Variants in GRM7 observed in about 807,000 individuals in gnomAD.
GRM7 encodes glutamate metabotropic receptor 7.
In GRM7, 35 loss-of-function variants were observed where a neutral mutation model predicts 84.5. That is an observed-to-expected ratio of 0.41 (90% confidence interval 0.32 to 0.55). The LOEUF is 0.55. GRM7 is among the 20% of genes least tolerant of loss of function. The probability of loss-of-function intolerance (pLI) is 0.19; values close to 1 mark genes in which losing one functional copy is unlikely to be tolerated. For missense variants in GRM7, 1,003 were observed against 1,194.6 expected (o/e 0.84, Z 2.36); for synonymous variants, 487 against 455.1 (o/e 1.07, Z -0.89).
At chr3:7,618,638 TC>T (rs1461220232) in intron 8 of GRM7, among the ~76,000 whole-genome samples, 6 of 152,156 alleles carry the variant, frequency 3.9e-5, no homozygotes, top group African/African-American at 1.4e-4. Context: ...TGGATGAATG[TC>T]CTTTTGCAAA....
At chr3:7,093,610 G>T (rs1440326804) in intron 1 of GRM7, among the ~76,000 whole-genome samples, 1 of 137,286 alleles carries the variant, frequency 7.3e-6, no homozygotes, top group Admixed American at 8.1e-5. Context: ...CCAGGAGGCA[G>T]AGGTTGCAGT....
chr3:6,971,028 T>G (rs937714461), intron 1 of GRM7, among the ~76,000 whole-genome samples: 1 of 150,430 alleles, frequency 6.6e-6, no homozygotes, highest in Non-Finnish European at 1.5e-5. Context: ...GAGAGAGAGA[T>G]GATGGCAGCT....
At chr3:7,281,608 A>T (rs531819476) in intron 2 of GRM7, among the ~76,000 whole-genome samples, 5 of 152,040 alleles carry the variant, frequency 3.3e-5, no homozygotes, top group South Asian at 2.1e-4. Flanking sequence ...ATTTTTTTTT[A>T]AATATTCCCT....
In GRM7 at chr3:7,465,435, A is replaced by G. The variant is rs3804965; in HGVS notation, c.1515+3713A>G. Among the ~76,000 whole-genome samples, 684 of 152,202 alleles carry G rather than the reference A, an allele frequency of 4.5e-3. 5 individuals are homozygous for G. Among genetic ancestry groups the G allele is most frequent in the East Asian group, 0.029 (151 of 5,162 alleles). ...GTGTTCAGGGGGATTAAAAAAGAAA[A>G]TAAAAGTTAAGTAGAGTACCCAGAG... is the stretch of plus-strand genomic sequence containing the variant. On this transcript the variant is annotated intron_variant, in intron 7 of 9. Transcript: ENST00000357716.
chr3:7,271,592 C>T (rs186150687), intron 2 of GRM7, among the ~76,000 whole-genome samples: 205 of 145,552 alleles, frequency 1.4e-3, no homozygotes, highest in African/African-American at 4.7e-3. Flanking sequence ...AAAAGAAATG[C>T]AGAATCTCAG....
At chr3:7,345,936 A>G (rs1692871982) in intron 4 of GRM7, among the ~76,000 whole-genome samples, 1 of 152,294 alleles carries the variant, frequency 6.6e-6, no homozygotes, top group African/African-American at 2.4e-5. Flanking sequence ...TAAAGACGTT[A>G]TGATTAACAA....
intron 8 of GRM7, among the ~76,000 whole-genome samples, chr3:7,642,827 C>T (rs1441960610): frequency 2.0e-5 from 3 of 152,068 alleles, no homozygotes; most frequent in East Asian, 1.9e-4. Flanking sequence ...ATCTGTTTCT[C>T]ATGTATGAGA....
rs956834037 is a variant in GRM7, at chr3:7,358,566, C to T, written c.1033+51914C>T. 6.1e-5 allele frequency among the ~76,000 whole-genome samples: 9 copies of T among 148,308 alleles called. 1 individual carries two copies. Among genetic ancestry groups the T allele is most frequent in the African/African-American group, 2.3e-4 (9 of 39,126 alleles). Reference sequence around the variant, plus strand: ...AAAAATTCACAATATATTTTAATCTCATAAAGGTTCTGAGAAGTCCCGAAA... The same window carrying T: ...AAAAATTCACAATATATTTTAATCTTATAAAGGTTCTGAGAAGTCCCGAAA... On this transcript the variant is annotated intron_variant, in intron 4 of 9. Coordinates refer to ENST00000357716, the MANE Select transcript of GRM7 (RefSeq NM_000844.4).
intron 9 of GRM7, among the ~76,000 whole-genome samples, chr3:7,690,389 A>T (rs953222145): frequency 6.6e-6 from 1 of 152,130 alleles, no homozygotes; most frequent in Non-Finnish European, 1.5e-5. Flanking sequence ...ATTTGTTAGC[A>T]ATAATAATAA....
At position 7,095,675 on chromosome 3, in the gene GRM7, A is replaced by G. The variant is rs139777561; in HGVS notation, c.520-50777A>G. ...ATTGTATGTTATCTTCATGGAATAC[A>G]GAGATGACATAAAATATAAAGCATC... On this transcript the variant is annotated intron_variant, in intron 1 of 9. Coordinates refer to ENST00000357716, the MANE Select transcript of GRM7 (RefSeq NM_000844.4). Among the ~76,000 whole-genome samples the G allele has an allele frequency of 4.6e-5, 7 of 152,296 alleles. No individual in the cohort carries two copies. The East Asian group carries it at 7.7e-4, about 17-fold the overall frequency.
intron 8 of GRM7, among the ~76,000 whole-genome samples, chr3:7,615,645 T>A (rs1226533671): frequency 6.6e-6 from 1 of 152,112 alleles, no homozygotes; most frequent in African/African-American, 2.4e-5. Context: ...CTTCCTAGGT[T>A]ATGGCCCTTT....
chr3:7,250,358 A>T (rs1697932860), intron 2 of GRM7, among the ~76,000 whole-genome samples: 1 of 150,250 alleles, frequency 6.7e-6, no homozygotes, highest in African/African-American at 2.5e-5. Context: ...AAGTAGTTTA[A>T]AGAGTGAGTA....
chr3:7,082,972 C>G (rs1374043015), intron 1 of GRM7, among the ~76,000 whole-genome samples: 2 of 152,164 alleles, frequency 1.3e-5, no homozygotes, highest in African/African-American at 4.8e-5. Context: ...GAGATGGAAT[C>G]TACTCCTGGT....
chr3:7,668,461 T>TTC (rs760567624), intron 8 of GRM7, among the ~76,000 whole-genome samples: 5 of 152,210 alleles, frequency 3.3e-5, no homozygotes, highest in Non-Finnish European at 7.4e-5. Flanking sequence ...CCTCCTCCCT[T>TTC]TCTCTCTCTC....
chr3:7,460,627 G>C (rs1441634129), intron 6 of GRM7, among the ~76,000 whole-genome samples: 1 of 152,104 alleles, frequency 6.6e-6, no homozygotes, highest in African/African-American at 2.4e-5. Flanking sequence ...TTATCATGTG[G>C]CCAGTGGTAT....
intron 4 of GRM7, among the ~76,000 whole-genome samples, chr3:7,398,310 G>A (rs1695298945): frequency 1.3e-5 from 2 of 152,192 alleles, no homozygotes; most frequent in African/African-American, 4.8e-5. Context: ...TGAAACGAAA[G>A]GTTTGAAATC....
At chr3:7,398,952 C>T (rs923951007) in intron 4 of GRM7, among the ~76,000 whole-genome samples, 2 of 151,912 alleles carry the variant, frequency 1.3e-5, no homozygotes, top group Non-Finnish European at 2.9e-5. Flanking sequence ...TCTTTGACAC[C>T]TTCAAATGCG....
At chr3:7,125,504 T>C (rs2125047890) in intron 1 of GRM7, among the ~76,000 whole-genome samples, 1 of 152,326 alleles carries the variant, frequency 6.6e-6, no homozygotes, top group South Asian at 2.1e-4. Flanking sequence ...GCATAACAAA[T>C]TTTTAGAGCT....
chr3:7,470,744 A>C (rs1282014152), intron 7 of GRM7, among the ~76,000 whole-genome samples: 1 of 152,154 alleles, frequency 6.6e-6, no homozygotes, highest in East Asian at 1.9e-4. Context: ...CAACAAGATA[A>C]ATGAGTTTAA....
Sources: allele counts gnomAD v4.1 joint callset (sites outside exome capture counted in the v4.1 genomes callset), GRCh38; gene constraint gnomAD v4.1.1; transcripts MANE v1.5; gene names NCBI Gene and HGNC (gene_info 2026-07-23, HGNC 2026-07-21).